VBP1: variants seen among roughly 807,000 people sequenced by gnomAD.
VBP1 encodes prefoldin subunit 3.
Under a neutral mutation model 15.5 loss-of-function variants are expected in VBP1, and 4 were observed. The observed-to-expected ratio is 0.26, with a 90% CI of 0.13 to 0.59. The LOEUF (loss-of-function observed/expected upper bound fraction) is 0.59, where lower values mean the gene tolerates loss of function less well. Among genes scored for constraint, VBP1 ranks in the 20% least tolerant of loss-of-function variants. VBP1 has a pLI of 0.90. For missense variants in VBP1, 108 were observed against 139.6 expected, an observed-to-expected ratio of 0.77 and a Z score of 1.14; for synonymous variants, 61 against 52.1, an observed-to-expected ratio of 1.17 and a Z score of -0.74.
intron 1 of VBP1, among the ~76,000 whole-genome samples, chrX:155,205,472 C>T (rs996114495): frequency 9.0e-6 from 1 of 111,620 alleles, no homozygotes; most frequent in East Asian, 2.8e-4. Flanking sequence ...ATCTTTCTTT[C>T]ACTCCACATA....
At chrX:155,220,405 A>G in intron 2 of VBP1, 98 bp downstream of exon 2, 1 of 766,402 alleles carries the variant, frequency 1.3e-6, no homozygotes, top group Non-Finnish European at 1.8e-6. Flanking sequence ...TCAGATGTCA[A>G]GTGTTCAGTC....
At chrX:155,216,777 G>A (rs781951462) in intron 1 of VBP1, among the ~76,000 whole-genome samples, 1 of 112,067 alleles carries the variant, frequency 8.9e-6, no homozygotes, top group African/African-American at 3.2e-5. Flanking sequence ...GCTCGAGAAG[G>A]CCGTAGAAGA....
chrX:155,198,088 G>C (rs2074585657), intron 1 of VBP1, among the ~76,000 whole-genome samples: 1 of 112,735 alleles, frequency 8.9e-6, no homozygotes, highest in Non-Finnish European at 1.9e-5. Context: ...GGCTTGCTTA[G>C]GTAAACAAAG....
At chrX:155,238,713 A>G in intron 5 of VBP1, 59 bp from the exon 6 acceptor site, 1 of 939,846 alleles carries the variant, frequency 1.1e-6, no homozygotes, top group Non-Finnish European at 1.5e-6. Flanking sequence ...GTGAATACTT[A>G]GTCATTGCAT....
intron 1 of VBP1, among the ~76,000 whole-genome samples, chrX:155,201,865 T>C (rs1409306256): frequency 9.0e-6 from 1 of 111,451 alleles, no homozygotes; most frequent in African/African-American, 3.3e-5. Flanking sequence ...AAAACCCCAT[T>C]GTCTCAGCCC....
chrX:155,224,853 A>G (rs782100388), intron 2 of VBP1, among the ~76,000 whole-genome samples: 1 of 110,768 alleles, frequency 9.0e-6, no homozygotes, highest in African/African-American at 3.3e-5. Flanking sequence ...AGATGTTGAC[A>G]CTTCTAATTC....
chrX:155,206,688 C>T (rs1000583890), intron 1 of VBP1, among the ~76,000 whole-genome samples: 4 of 110,434 alleles, frequency 3.6e-5, no homozygotes, highest in African/African-American at 1.3e-4. Flanking sequence ...GCCCAAGGGT[C>T]GTCTGTCACT....
intron 1 of VBP1, among the ~76,000 whole-genome samples, chrX:155,207,631 T>C (rs1247046184): frequency 1.8e-5 from 2 of 111,678 alleles, no homozygotes; most frequent in Admixed American, 9.5e-5. Flanking sequence ...GAGGAAGGAC[T>C]GGAAAACTTA....
intron 2 of VBP1, among the ~76,000 whole-genome samples, chrX:155,220,856 C>G: frequency 8.9e-6 from 1 of 112,025 alleles, no homozygotes; most frequent in East Asian, 2.8e-4. Flanking sequence ...CTAGATGCCA[C>G]ATACTGTTTT....
At chrX:155,227,373 T>G (rs1246945105) in intron 3 of VBP1, 72 bp downstream of exon 3, 1 of 767,209 alleles carries the variant, frequency 1.3e-6, no homozygotes, top group African/African-American at 2.2e-5. Flanking sequence ...CTTTGACTCT[T>G]TGGTCACTGA....
intron 4 of VBP1, among the ~76,000 whole-genome samples, chrX:155,234,152 G>C (rs1175914134): frequency 3.4e-5 from 2 of 59,072 alleles, no homozygotes; most frequent in African/African-American, 1.4e-4. Flanking sequence ...ACAGAGTCTT[G>C]TTCTGTCGCC....
chrX:155,198,696 G>C (rs782715049), intron 1 of VBP1, among the ~76,000 whole-genome samples: 1 of 111,719 alleles, frequency 9.0e-6, no homozygotes, highest in South Asian at 3.7e-4. Context: ...CTAAAAAGCA[G>C]AGCACCTCTC....
At chrX:155,215,929 G>A (rs2074660779), upstream of VBP1, among the ~76,000 whole-genome samples, 1 of 111,604 alleles carries the variant, frequency 9.0e-6, no homozygotes, top group Non-Finnish European at 1.9e-5. Context: ...AGGCTGGTGC[G>A]ACAGGCAGGG....
intron 2 of VBP1, among the ~76,000 whole-genome samples, chrX:155,224,897 T>C (rs1238987169): frequency 8.9e-6 from 1 of 111,764 alleles, no homozygotes; most frequent in Non-Finnish European, 1.9e-5. Context: ...TTCCCTTTTT[T>C]CTGTCTTTGT....
chrX:155,214,768 C>CTTTTTTTTTTTTTTTTTTTTT (rs782556765), upstream of VBP1, among the ~76,000 whole-genome samples: 30 of 83,063 alleles, frequency 3.6e-4, no homozygotes, highest in Admixed American at 7.1e-4. Context: ...TTTTCTTTTC[C>CTTTTTTTTTTTTTTTTTTTTT]TTTTTTTTTT....
chrX:155,227,685 C>T (rs942783484), intron 3 of VBP1, among the ~76,000 whole-genome samples: 1 of 112,166 alleles, frequency 8.9e-6, no homozygotes, highest in South Asian at 3.7e-4. Context: ...AGAGCTGGAA[C>T]GAATCTTAGA....
At chrX:155,212,303 C>G (rs148887531), upstream of VBP1, among the ~76,000 whole-genome samples, 1 of 111,742 alleles carries the variant, frequency 8.9e-6, no homozygotes, top group African/African-American at 3.3e-5. Flanking sequence ...GAGTTTGAAC[C>G]TTTTTACATC....
intron 4 of VBP1, among the ~76,000 whole-genome samples, chrX:155,229,968 G>A (rs1237206115): frequency 1.8e-5 from 2 of 111,711 alleles, no homozygotes; most frequent in African/African-American, 3.3e-5. Context: ...CATGGTCCAG[G>A]CCACCTTTGT....
chrX:155,224,549 G>A (rs2074710504), intron 2 of VBP1, among the ~76,000 whole-genome samples: 1 of 112,118 alleles, frequency 8.9e-6, no homozygotes, highest in Admixed American at 9.4e-5. Context: ...CGAGATGGCG[G>A]CAGTACAGTC....
Sources: allele counts gnomAD v4.1 joint callset (sites outside exome capture counted in the v4.1 genomes callset), GRCh38; gene constraint gnomAD v4.1.1; transcripts MANE v1.5; gene names NCBI Gene and HGNC (gene_info 2026-07-23, HGNC 2026-07-21).